Variants in PTPRD observed in about 807,000 individuals in gnomAD.
The protein encoded by PTPRD is receptor-type tyrosine-protein phosphatase delta.
Under a neutral mutation model 214.5 loss-of-function variants are expected in PTPRD, and 34 were observed. The ratio of observed to expected loss-of-function variants is 0.16; its 90% CI spans 0.12 to 0.21. PTPRD has a LOEUF of 0.21. PTPRD is among the 10% of genes least tolerant of loss of function. The pLI is 1.00. For missense variants in PTPRD, 2,545 were observed against 2,398.7 expected, an observed-to-expected ratio of 1.06 and a Z score of -1.27; for synonymous variants, 1,128 against 845.7, an observed-to-expected ratio of 1.33 and a Z score of -5.79.
chr9:8,877,895 A>G (rs2098407898), intron 11 of PTPRD, among the ~76,000 whole-genome samples: 1 of 152,148 alleles, frequency 6.6e-6, no homozygotes, highest in Non-Finnish European at 1.5e-5. Flanking sequence ...GCTGGGTAGA[A>G]ATCGAGGTGT....
At chr9:8,520,922 T>C (rs2097878041) in intron 20 of PTPRD, among the ~76,000 whole-genome samples, 2 of 152,120 alleles carry the variant, frequency 1.3e-5, no homozygotes, top group South Asian at 4.1e-4. Flanking sequence ...TGACTTTTCT[T>C]GGGGTTCTTA....
At chr9:10,135,515 G>T (rs765300063) in intron 3 of PTPRD, among the ~76,000 whole-genome samples, 6 of 152,076 alleles carry the variant, frequency 3.9e-5, no homozygotes, top group Non-Finnish European at 8.8e-5. Context: ...AACTCCTTCA[G>T]GCTAACAGTG....
intron 9 of PTPRD, among the ~76,000 whole-genome samples, chr9:9,315,742 C>A (rs891323103): frequency 6.6e-6 from 1 of 150,992 alleles, no homozygotes; most frequent in Admixed American, 6.6e-5. Flanking sequence ...AAAAAAAAAT[C>A]TCTGTGACTA....
In PTPRD at chr9:8,380,853, T is replaced by A. The variant is rs77460627; in HGVS notation, c.4387-4127A>T. 7.4e-3 allele frequency among the ~76,000 whole-genome samples: 1,132 copies of A among 152,232 alleles called. 20 individuals carry two copies. The highest frequency in any genetic ancestry group is 0.026 in the African/African-American group (1,076 of 41,530). ...ACTTAATGAGCGGTAGCCAACTTTA[T>A]AATCAATTAACTAGATTGGCTTATT... On this transcript the variant is annotated intron_variant, in intron 37 of 45. Transcript: ENST00000381196.
At chr9:9,005,409 T>G (rs2099457417) in intron 11 of PTPRD, among the ~76,000 whole-genome samples, 1 of 138,836 alleles carries the variant, frequency 7.2e-6, no homozygotes, top group Non-Finnish European at 1.7e-5. Context: ...AAATAATGAC[T>G]GTTATTAATG....
chr9:9,215,692 T>C (rs757977089), intron 9 of PTPRD, among the ~76,000 whole-genome samples: 1 of 152,162 alleles, frequency 6.6e-6, no homozygotes, highest in Non-Finnish European at 1.5e-5. Context: ...CTAATACAAC[T>C]GGATTAAACC....
At chr9:9,792,983 G>A (rs1459022012) in intron 5 of PTPRD, among the ~76,000 whole-genome samples, 1 of 152,020 alleles carries the variant, frequency 6.6e-6, no homozygotes, top group Non-Finnish European at 1.5e-5. Context: ...ACCTCTGAGA[G>A]CATATACCAA....
intron 14 of PTPRD, among the ~76,000 whole-genome samples, chr9:8,594,209 A>T (rs2094328704): frequency 6.6e-6 from 1 of 152,180 alleles, no homozygotes; most frequent in Non-Finnish European, 1.5e-5. Flanking sequence ...ATGACACTCA[A>T]TTACTTTAAA....
At chr9:8,354,525 C>T (rs1402542334) in intron 39 of PTPRD, among the ~76,000 whole-genome samples, 2 of 152,162 alleles carry the variant, frequency 1.3e-5, no homozygotes. Context: ...CTTTTTCTTT[C>T]CTGTACTAAT....
chr9:9,776,369 T>C lies in PTPRD; in HGVS notation c.-367-9518A>G, dbSNP rs149063668. On this transcript the variant is annotated intron_variant, in intron 5 of 45. Transcript: ENST00000381196. ...TCCTCTTATATCTCTTGAACTCGTG[T>C]GCCATAACCCTTTCCTGCAATTGTT... Among the ~76,000 whole-genome samples, 222 of 152,320 alleles carry C rather than the reference T, an allele frequency of 1.5e-3. 1 individual carries two copies. Among genetic ancestry groups the C allele is most frequent in the Non-Finnish European group, 1.6e-3 (107 of 68,024 alleles).
At chr9:10,376,923 A>C (rs955245397) in intron 2 of PTPRD, among the ~76,000 whole-genome samples, 1 of 151,994 alleles carries the variant, frequency 6.6e-6, no homozygotes, top group African/African-American at 2.4e-5. Flanking sequence ...ATAGTCTTTT[A>C]GTGACTTTTA....
intron 7 of PTPRD, among the ~76,000 whole-genome samples, chr9:9,585,996 G>A (rs768850366): frequency 1.3e-5 from 2 of 152,008 alleles, no homozygotes; most frequent in Non-Finnish European, 2.9e-5. Flanking sequence ...CGAGTTGGAA[G>A]CAGTGGATAA....
At chr9:10,504,137 A>AAAAAAAAAAAAAAAT in intron 2 of PTPRD, among the ~76,000 whole-genome samples, 1 of 146,236 alleles carries the variant, frequency 6.8e-6, no homozygotes, top group African/African-American at 2.5e-5. Context: ...AAAAAAAAAA[A>AAAAAAAAAAAAAAAT]AAAAGATGTA....
chr9:9,892,576 A>G (rs2073728015), intron 5 of PTPRD, among the ~76,000 whole-genome samples: 1 of 152,118 alleles, frequency 6.6e-6, no homozygotes, highest in African/African-American at 2.4e-5. Flanking sequence ...CATTGGAACT[A>G]GTAAGATGAA....
At chr9:8,526,566 G>A (rs891066040) in intron 17 of PTPRD, 61 bp downstream of exon 17, 11 of 1,420,954 alleles carry the variant, frequency 7.7e-6, no homozygotes, top group African/African-American at 1.4e-5. Context: ...AAGATGAGAG[G>A]GATGAAAGGA....
intron 11 of PTPRD, among the ~76,000 whole-genome samples, chr9:8,952,664 G>T (rs1444278461): frequency 6.6e-6 from 1 of 151,670 alleles, no homozygotes; most frequent in Non-Finnish European, 1.5e-5. Flanking sequence ...TCAAGCAGGG[G>T]GCAGAGGTAT....
intron 8 of PTPRD, among the ~76,000 whole-genome samples, chr9:9,533,834 G>A (rs2075990147): frequency 6.6e-6 from 1 of 151,902 alleles, no homozygotes; most frequent in Non-Finnish European, 1.5e-5. Context: ...GAAGGAAGAA[G>A]GCAAACAAAT....
chr9:9,764,530 C>T, intron 6 of PTPRD, among the ~76,000 whole-genome samples: 1 of 152,058 alleles, frequency 6.6e-6, no homozygotes. Context: ...AATCATTCCT[C>T]TTCTATTAAT....
intron 5 of PTPRD, among the ~76,000 whole-genome samples, chr9:9,834,818 A>T (rs1246754860): frequency 6.6e-6 from 1 of 152,060 alleles, no homozygotes; most frequent in Non-Finnish European, 1.5e-5. Context: ...ACACTAGATT[A>T]GCATATATTT....
Sources: allele counts gnomAD v4.1 joint callset (sites outside exome capture counted in the v4.1 genomes callset), GRCh38; gene constraint gnomAD v4.1.1; transcripts MANE v1.5; gene names NCBI Gene and HGNC (gene_info 2026-07-23, HGNC 2026-07-21).